VWDE: variants seen among roughly 807,000 people sequenced by gnomAD.
The protein encoded by VWDE is von Willebrand factor D and EGF domain-containing protein.
In VWDE, 207 loss-of-function variants were observed where a neutral mutation model predicts 178.4. That is an observed-to-expected ratio of 1.16 (90% CI 1.04 to 1.30). The LOEUF is 1.30. Among genes scored for constraint, VWDE ranks in the 50% most tolerant of loss-of-function variants. The pLI is 0.00. For synonymous variants in VWDE, 738 were observed against 651.4 expected (o/e 1.13, Z -2.02); for missense variants, 2,287 against 1,901.3 (o/e 1.20, Z -3.77).
At chr7:12,394,591 A>T (rs1026222116) in intron 1 of VWDE, among the ~76,000 whole-genome samples, 1 of 152,192 alleles carries the variant, frequency 6.6e-6, no homozygotes. Context: ...TTATCCTAAA[A>T]TGCAACTCTT....
intron 13 of VWDE, among the ~76,000 whole-genome samples, chr7:12,365,363 T>C (rs1782801972): frequency 6.6e-6 from 1 of 152,132 alleles, no homozygotes; most frequent in South Asian, 2.1e-4. Context: ...GAAGAATTAC[T>C]GGAAACTGCA....
At chr7:12,373,330 T>A in intron 9 of VWDE, 83 bp from the exon 10 acceptor site, 1 of 1,387,934 alleles carries the variant, frequency 7.2e-7, no homozygotes, top group Non-Finnish European at 9.8e-7. Flanking sequence ...CAGCTTTATG[T>A]ATCACGATCA....
chr7:12,352,914 G>T (rs1378117423), intron 18 of VWDE, among the ~76,000 whole-genome samples: 1 of 151,916 alleles, frequency 6.6e-6, no homozygotes, highest in Admixed American at 6.6e-5. Context: ...TAAATCTAAG[G>T]GTTTTCCTGG....
intron 9 of VWDE, among the ~76,000 whole-genome samples, chr7:12,373,823 T>C (rs1264247063): frequency 6.6e-6 from 1 of 152,154 alleles, no homozygotes; most frequent in African/African-American, 2.4e-5. Context: ...ATTACATTCA[T>C]CACTACTACA....
chr7:12,392,921 G>GA (rs1313396885), intron 2 of VWDE, among the ~76,000 whole-genome samples: 1 of 151,654 alleles, frequency 6.6e-6, no homozygotes, highest in Admixed American at 6.6e-5. Context: ...CAAGTATAAA[G>GA]AAAAAAAGGT....
At chr7:12,360,045 T>C (rs1028038491) in intron 15 of VWDE, among the ~76,000 whole-genome samples, 6 of 152,158 alleles carry the variant, frequency 3.9e-5, no homozygotes, top group Non-Finnish European at 5.9e-5. Flanking sequence ...TTCTTTTTTT[T>C]CCTCCACAAT....
chr7:12,397,184 C>T (rs897300222), intron 1 of VWDE, among the ~76,000 whole-genome samples: 1 of 152,018 alleles, frequency 6.6e-6, no homozygotes, highest in African/African-American at 2.4e-5. Flanking sequence ...TATAAGGCTA[C>T]AGTAACTAAA....
intron 18 of VWDE, among the ~76,000 whole-genome samples, chr7:12,353,392 G>A (rs1237490409): frequency 7.6e-6 from 1 of 132,284 alleles, no homozygotes; most frequent in Non-Finnish European, 1.6e-5. Context: ...TAGCCACACT[G>A]GGAGTTAGGG....
intron 25 of VWDE, 32 bp from the exon 26 acceptor site, chr7:12,337,115 A>G (rs1229831456): frequency 1.1e-5 from 17 of 1,551,484 alleles, no homozygotes; most frequent in Non-Finnish European, 1.5e-5. Flanking sequence ...GTCAGCCCTT[A>G]AATTCAACAG....
At chr7:12,382,817 TTAGA>T (rs1369033758) in intron 4 of VWDE, among the ~76,000 whole-genome samples, 3 of 152,064 alleles carry the variant, frequency 2.0e-5, no homozygotes, top group African/African-American at 7.2e-5. Context: ...ATTTTATCAC[TTAGA>T]TAATCTACTT....
At chr7:12,372,925 T>C in intron 10 of VWDE, 52 bp downstream of exon 10, 1 of 1,492,996 alleles carries the variant, frequency 6.7e-7, no homozygotes, top group Non-Finnish European at 9.0e-7. Flanking sequence ...GAGATGTTTA[T>C]CTGAAAGGAG....
chr7:12,377,779 G>T lies in VWDE; in HGVS notation c.1021C>A (p.Gln341Lys). The T allele has an allele frequency of 1.4e-6, 2 of 1,481,422 alleles. No individual in the cohort carries two copies. Among genetic ancestry groups the T allele is most frequent in the South Asian group, 1.4e-5 (1 of 73,762 alleles). The allele number at this position is 1,481,422 out of a possible 1,614,324, so 91.8% of individuals were successfully genotyped here. A position where few individuals can be genotyped will look rare whatever the true frequency, so the allele number is the denominator to read the frequency against. The change falls in exon 7 of 29, where the codon CAA becomes AAA. Residue 341 changes from glutamine (Q) to lysine (K), a missense_variant. Coordinates refer to ENST00000275358, the MANE Select transcript of VWDE (RefSeq NM_001135924.3). ...TAAAATAAAGTTAGTATATTACCTT[G>T]ACCAATAGTTTTCAGTTTTAATGAG... is the stretch of plus-strand genomic sequence containing the variant. ...KISLKLKTIG[Q>K]GREHLGLNLA...
Position 12,389,275 on chromosome 7 carries a change from T to C in VWDE, c.327A>G (p.Gln109=). The C allele has an allele frequency of 1.3e-6, 2 of 1,551,716 alleles. No homozygotes were observed. The highest frequency in any genetic ancestry group is 2.0e-5 in the Admixed American group (1 of 51,006). ...ACTGCCATGTTGCACAAGCTGTCAA[T>C]TGCTTGATCTCCCCAGGAGATGGCA... is the stretch of plus-strand genomic sequence containing the variant. ...ETLPSPGEIK[Q]LTACATWQFL... is the part of the protein sequence containing the mutation. Residue 109 remains glutamine (Q), a synonymous_variant, in exon 3 of 29, where the codon CAA becomes CAG. Transcript: ENST00000275358.
At chr7:12,341,883 T>C (rs1443161317) in intron 23 of VWDE, among the ~76,000 whole-genome samples, 176 bp downstream of exon 23, 1 of 152,156 alleles carries the variant, frequency 6.6e-6, no homozygotes, top group African/African-American at 2.4e-5. Context: ...CGGTTCAACA[T>C]AAAAACAAAG....
intron 5 of VWDE, among the ~76,000 whole-genome samples, chr7:12,380,263 C>G (rs114313164): frequency 1.0e-3 from 152 of 150,502 alleles, no homozygotes; most frequent in African/African-American, 3.6e-3. Flanking sequence ...TAATAATAAT[C>G]AGCAAATTAC....
intron 13 of VWDE, among the ~76,000 whole-genome samples, chr7:12,365,106 A>C (rs79974370): frequency 1.3e-5 from 2 of 152,260 alleles, no homozygotes; most frequent in East Asian, 3.9e-4. Flanking sequence ...TGTGCAAAAG[A>C]TAAAGAAAGA....
chr7:12,344,509 C>T (rs893265255), intron 19 of VWDE, 40 bp from the exon 20 acceptor site: 1 of 1,456,778 alleles, frequency 6.9e-7, no homozygotes, highest in African/African-American at 1.4e-5. Flanking sequence ...ATTGCTAAAA[C>T]AGAACATACA....
rs1041347850 is a variant in VWDE at position 12,387,758 on chromosome 7, T to G, written c.475+1369A>C. Among the ~76,000 whole-genome samples the G allele has an allele frequency of 5.9e-5, 9 of 152,238 alleles. No individual in the cohort carries two copies. The East Asian group carries it at 1.7e-3, about 29-fold the overall frequency. ...ATGTTCATGAGTGTTACCCATATAA[T>G]CATCATTGTTGCTCAATCAAGTGTT... On this transcript the variant is annotated intron_variant, in intron 3 of 28. Transcript: ENST00000275358.
intron 13 of VWDE, among the ~76,000 whole-genome samples, chr7:12,362,605 G>C (rs1415932332): frequency 6.6e-6 from 1 of 152,032 alleles, no homozygotes; most frequent in African/African-American, 2.4e-5. Context: ...ATTTTTCTTT[G>C]AAACTTATTA....
Sources: gnomAD v4.1 joint callset for allele counts (sites outside exome capture counted in the v4.1 genomes callset) on GRCh38, gnomAD v4.1.1 for gene constraint, MANE v1.5 for transcripts, NCBI Gene and HGNC (gene_info 2026-07-23, HGNC 2026-07-21) for gene names.